Variants in ARHGEF17 observed in about 807,000 individuals in gnomAD.
ARHGEF17 encodes the protein Rho guanine nucleotide exchange factor 17.
In ARHGEF17, 80 loss-of-function variants were observed where a neutral mutation model predicts 174.0. The observed-to-expected ratio is 0.46, with a 90% CI of 0.38 to 0.55. The LOEUF (loss-of-function observed/expected upper bound fraction) is 0.55. Among genes scored for constraint, ARHGEF17 ranks in the 20% least tolerant of loss-of-function variants. The probability of loss-of-function intolerance (pLI) is 0.00; values close to 1 mark genes in which losing one functional copy is unlikely to be tolerated. For missense variants in ARHGEF17, 2,886 were observed against 2,839.7 expected, an observed-to-expected ratio of 1.02 and a Z score of -0.37; for synonymous variants, 1,311 against 1,189.1, an observed-to-expected ratio of 1.10 and a Z score of -2.11.
Position 73,309,270 on chromosome 11 carries a change from C to T in ARHGEF17, c.632C>T (p.Ala211Val). Residue 211 changes from alanine to valine, a missense_variant, in exon 1 of 21, where the codon GCG becomes GTG. By Grantham distance (64) the Ala-to-Val change is moderately conservative (BLOSUM62 0). Around this residue, in one of 4 missense-constraint regions of ARHGEF17, gnomAD observed 1,728 missense variants for 1,461.2 expected, o/e 1.18. Transcript: ENST00000263674. ...CAACAGGAGCGGGCGCAGCGTCCAG[C>T]GGATGGTTTACATTCTTGGCATATC... The part of the protein sequence containing the change: ...QQQQERAQRP[A>V]DGLHSWHIFS... 1 of 1,610,912 alleles carries T rather than the reference C, an allele frequency of 6.2e-7. No individual in the cohort carries two copies. Among genetic ancestry groups the T allele is most frequent in the Non-Finnish European group, 8.5e-7 (1 of 1,179,016 alleles).
chr11:73,362,810 C>A, intron 14 of ARHGEF17, 76 bp downstream of exon 14: 4 of 1,524,862 alleles, frequency 2.6e-6, no homozygotes, highest in Non-Finnish European at 3.5e-6. Context: ...AGAGGAGGGA[C>A]CAGTGTAGGG....
At chr11:73,332,397 GTGTGTGTGTGTATT>G (rs1865222497) in intron 1 of ARHGEF17, among the ~76,000 whole-genome samples, 1 of 114,228 alleles carries the variant, frequency 8.8e-6, no homozygotes, top group Non-Finnish European at 1.8e-5. Context: ...GTGTGTGTGT[GTGTGTGTGTGTATT>G]TTAAATAACA....
rs995797748 is a variant in ARHGEF17 at position 73,310,096 on chromosome 11, G to C, written c.1458G>C (p.Arg486Ser). Residue 486 changes from arginine (R) to serine (S), a missense_variant, in exon 1 of 21, where the codon AGG becomes AGC. Around this residue, in one of 4 missense-constraint regions of ARHGEF17, gnomAD observed 1,728 missense variants for 1,461.2 expected, o/e 1.18. Coordinates refer to ENST00000263674, the MANE Select transcript of ARHGEF17 (RefSeq NM_014786.4). ...TGCGCTCAGACCTTTCAGAGCTGAG[G>C]GTCCGAAAACCTGGTGGGAGCTCCG... ...SFLRSDLSEL[R>S]VRKPGGSSGD... 6.2e-7 allele frequency: 1 copy of C among 1,614,028 alleles called. No homozygotes were observed. The highest frequency in any genetic ancestry group is 1.7e-5 in the Admixed American group (1 of 60,006).
chr11:73,348,868 C>G (rs1273385156), intron 2 of ARHGEF17, among the ~76,000 whole-genome samples: 1 of 152,066 alleles, frequency 6.6e-6, no homozygotes, highest in Non-Finnish European at 1.5e-5. Context: ...GTGTCGGGGT[C>G]AGGGAGGGCT....
intron 1 of ARHGEF17, among the ~76,000 whole-genome samples, chr11:73,336,300 A>G (rs1360639241): frequency 6.6e-6 from 1 of 152,256 alleles, no homozygotes; most frequent in African/African-American, 2.4e-5. Flanking sequence ...GTGAGGACTA[A>G]ATGAGATAAT....
chr11:73,343,352 G>T (rs1246232061), intron 1 of ARHGEF17: 3 of 391,000 alleles, frequency 7.7e-6, no homozygotes, highest in Non-Finnish European at 1.4e-5. Flanking sequence ...GCCAACCCAG[G>T]AGACGGTGGG....
At chr11:73,326,408 T>C (rs1476970921) in intron 1 of ARHGEF17, among the ~76,000 whole-genome samples, 1 of 152,150 alleles carries the variant, frequency 6.6e-6, no homozygotes, top group Non-Finnish European at 1.5e-5. Flanking sequence ...CCTAAAAGCC[T>C]GGACTTGATC....
At chr11:73,361,722 C>T (rs1591761504) in intron 12 of ARHGEF17, among the ~76,000 whole-genome samples, 1 of 152,162 alleles carries the variant, frequency 6.6e-6, no homozygotes, top group East Asian at 1.9e-4. Context: ...CGTTTAGTGG[C>T]GCGCCCCTGT....
rs764403659 is a variant in ARHGEF17 at position 73,311,224 on chromosome 11, C to G, written c.2586C>G (p.Ser862Arg). Residue 862 changes from serine (S) to arginine (R), a missense_variant, in exon 1 of 21, where the codon AGC becomes AGG. This residue lies in a region of ARHGEF17 where 1,728 missense variants were observed against 1,461.2 expected (regional missense o/e 1.18). Coordinates refer to ENST00000263674, the MANE Select transcript of ARHGEF17 (RefSeq NM_014786.4). ...AGCCCATGCTGCCTCCATCCAGCAG[C>G]GAGCCCATCCTTGTAGAGCAGCGGG... ...EVEPMLPPSS[S>R]EPILVEQRAE... 1 of 1,605,788 alleles carries G rather than the reference C, an allele frequency of 6.2e-7. No individual in the cohort carries two copies. Among genetic ancestry groups the G allele is most frequent in the Admixed American group, 1.7e-5 (1 of 59,538 alleles).
At chr11:73,360,001 T>C in intron 10 of ARHGEF17, 49 bp downstream of exon 10, 1 of 1,479,200 alleles carries the variant, frequency 6.8e-7, no homozygotes, top group Admixed American at 2.1e-5. Context: ...GGGAGGCTTC[T>C]GACCCTGTCT....
In ARHGEF17 at chr11:73,362,114, C is replaced by T. The variant is rs775147479; in HGVS notation, c.4569C>T (p.Gly1523=). The T allele has an allele frequency of 6.2e-7, 1 of 1,612,470 alleles. No individual in the cohort carries two copies. Among genetic ancestry groups the T allele is most frequent in the Non-Finnish European group, 8.5e-7 (1 of 1,179,838 alleles). The change falls in exon 13 of 21, where the codon GGC becomes GGT. Residue 1523 remains glycine, a synonymous_variant. Coordinates refer to ENST00000263674, the MANE Select transcript of ARHGEF17 (RefSeq NM_014786.4). ...AGGTATGGGTCTGCAACAGCGACGGCTACGTGGGCCAGGTGTGCCTGCTGA... is the reference window on the plus strand; with the variant it reads ...AGGTATGGGTCTGCAACAGCGACGGTTACGTGGGCCAGGTGTGCCTGCTGA... ...SPEVWVCNSD[G]YVGQVCLLSL... is the part of the protein sequence containing the mutation.
chr11:73,366,013 CT>C (rs1450403203), intron 20 of ARHGEF17, 66 bp downstream of exon 20: 1 of 1,543,004 alleles, frequency 6.5e-7, no homozygotes, highest in Non-Finnish European at 8.7e-7. Flanking sequence ...CCCCACTATC[CT>C]GCCAGAAGAG....
intron 1 of ARHGEF17, among the ~76,000 whole-genome samples, chr11:73,342,289 C>A (rs1328443260): frequency 6.6e-6 from 1 of 151,948 alleles, no homozygotes; most frequent in East Asian, 1.9e-4. Flanking sequence ...AAGCTGGATC[C>A]GGGCAGGGGT....
At chr11:73,355,699 G>A in intron 4 of ARHGEF17, 50 bp downstream of exon 4, 1 of 1,577,240 alleles carries the variant, frequency 6.3e-7, no homozygotes, top group East Asian at 2.2e-5. Context: ...CCTTGGGCCA[G>A]CTTTGAGGGC....
rs182259271 is a variant in ARHGEF17, at chr11:73,315,835, C to T, written c.3192+4005C>T. On this transcript the variant is annotated intron_variant, in intron 1 of 20. Transcript: ENST00000263674. ...TTGAGTCTGACATTTTCCAGCCCCA[C>T]GTTTCTGGGACCAGCTGGGTTTGGG... is the stretch of plus-strand genomic sequence containing the variant. Among the ~76,000 whole-genome samples, 25 of 152,292 alleles carry T rather than the reference C, an allele frequency of 1.6e-4. No homozygotes were observed. In the East Asian group the frequency reaches 4.0e-3, roughly 25 times the overall value.
Position 73,308,505 on chromosome 11 carries a change from G to T in ARHGEF17, c.-134G>T. 1 of 771,084 alleles carries T rather than the reference G, an allele frequency of 1.3e-6. No homozygotes were observed. The highest frequency in any genetic ancestry group is 1.8e-6 in the Non-Finnish European group (1 of 542,470). 47.8% of individuals were successfully genotyped at this position (771,084 alleles called of 1,614,324 possible). ...GCCGCGGCAGAGAAACCTCTGCTCC[G>T]GTCTCTGCGTCCTCTTCCCACACTC... is the stretch of plus-strand genomic sequence containing the variant. On this transcript the variant is annotated 5_prime_UTR_variant, in exon 1 of 21. Coordinates refer to ENST00000263674, the MANE Select transcript of ARHGEF17 (RefSeq NM_014786.4).
At position 73,352,993 on chromosome 11, in the gene ARHGEF17, G is replaced by C; in HGVS notation, c.3434G>C (p.Gly1145Ala). Residue 1145 changes from glycine to alanine, a missense_variant, in exon 3 of 21, where the codon GGA becomes GCA. This residue lies in a region of ARHGEF17 where 353 missense variants were observed against 470.3 expected (regional missense o/e 0.75). Coordinates refer to ENST00000263674, the MANE Select transcript of ARHGEF17 (RefSeq NM_014786.4). The part of the protein sequence containing the change: ...MQTWHAQQKV[G>A]ALLVQSFSKD... The stretch of plus-strand genomic sequence containing the variant: ...ACCTGGCATGCCCAGCAGAAGGTGG[G>C]AGCCCTGCTCGTCCAGTCGGTGAGT... The C allele has an allele frequency of 6.2e-7, 1 of 1,613,914 alleles. No individual in the cohort carries two copies. The highest frequency in any genetic ancestry group is 1.1e-5 in the South Asian group (1 of 91,074).
intron 1 of ARHGEF17, among the ~76,000 whole-genome samples, chr11:73,329,269 G>A (rs1424238613): frequency 2.4e-5 from 3 of 126,620 alleles, no homozygotes. Flanking sequence ...CCCCTTGCTC[G>A]TTACACTTAA....
In ARHGEF17 at chr11:73,309,170, C is replaced by T. The variant is rs764091725; in HGVS notation, c.532C>T (p.Pro178Ser). The change falls in exon 1 of 21, where the codon CCC becomes TCC. Residue 178 changes from proline (P) to serine (S), a missense_variant. Physicochemically the swap from Pro to Ser is moderately conservative, Grantham distance 74. This residue lies in a region of ARHGEF17 where 1,728 missense variants were observed against 1,461.2 expected (regional missense o/e 1.18). Coordinates refer to ENST00000263674, the MANE Select transcript of ARHGEF17 (RefSeq NM_014786.4). ...PPTPPPRTCF[P>S]LAGLRSARPL... ...GACGCCACCCCCTCGGACATGCTTC[C>T]CCCTGGCGGGTCTGCGTTCGGCGCG... 3 of 1,592,112 alleles carry T rather than the reference C, an allele frequency of 1.9e-6. No individual in the cohort carries two copies. Among genetic ancestry groups the T allele is most frequent in the African/African-American group, 1.4e-5 (1 of 73,074 alleles).
Sources: allele counts gnomAD v4.1 joint callset (sites outside exome capture counted in the v4.1 genomes callset), GRCh38; gene constraint gnomAD v4.1.1; regional missense constraint gnomAD v4.1.1; transcripts MANE v1.5; gene names NCBI Gene and HGNC (gene_info 2026-07-23, HGNC 2026-07-21).